The following RHOD variants were observed in gnomAD, a reference collection of about 807,000 sequenced individuals.
The protein encoded by RHOD is rho-related GTP-binding protein RhoD.
RHOD carries 11 observed loss-of-function variants against 16.7 expected under a neutral mutation model. That is an observed-to-expected ratio of 0.66 (90% CI 0.41 to 1.09). RHOD has a LOEUF of 1.09. Among genes scored for constraint, RHOD ranks in the 50% least tolerant of loss-of-function variants. The pLI is 0.00. For synonymous variants in RHOD, 124 were observed against 126.3 expected, an observed-to-expected ratio of 0.98 and a Z score of 0.12; for missense variants, 271 against 291.7, an observed-to-expected ratio of 0.93 and a Z score of 0.52.
chr11:67,058,600 C>G (rs959570506), intron 1 of RHOD, among the ~76,000 whole-genome samples: 1 of 152,276 alleles, frequency 6.6e-6, no homozygotes, highest in Admixed American at 6.5e-5. Flanking sequence ...CCTGAGCCAC[C>G]GCAACTGGCA....
intron 1 of RHOD, among the ~76,000 whole-genome samples, chr11:67,065,287 C>T (rs984835364): frequency 2.0e-5 from 3 of 152,088 alleles, no homozygotes; most frequent in African/African-American, 7.2e-5. Flanking sequence ...TGTTGGTCAG[C>T]CTGGTCTCAA....
chr11:67,061,329 T>C (rs1450887413), intron 1 of RHOD, among the ~76,000 whole-genome samples: 1 of 152,000 alleles, frequency 6.6e-6, no homozygotes, highest in Non-Finnish European at 1.5e-5. Context: ...AAACCCCATC[T>C]CTATTAAAAG....
At chr11:67,061,742 A>T (rs1274469830) in intron 1 of RHOD, among the ~76,000 whole-genome samples, 2 of 120,038 alleles carry the variant, frequency 1.7e-5, no homozygotes, top group African/African-American at 7.0e-5. Flanking sequence ...CCCTCTCTAA[A>T]AAAAAAAAAA....
At chr11:67,061,700 C>G in intron 1 of RHOD, among the ~76,000 whole-genome samples, 1 of 96,176 alleles carries the variant, frequency 1.0e-5, no homozygotes. Flanking sequence ...GGCCACTGCA[C>G]TCCAGCCTGT....
chr11:67,060,317 C>T (rs1590668283), intron 1 of RHOD, among the ~76,000 whole-genome samples: 1 of 152,222 alleles, frequency 6.6e-6, no homozygotes, highest in Admixed American at 6.5e-5. Context: ...GAGTCATCTC[C>T]GTCCTGGTCC....
intron 3 of RHOD, among the ~76,000 whole-genome samples, chr11:67,067,505 A>T (rs1590671996): frequency 1.3e-5 from 2 of 152,316 alleles, no homozygotes; most frequent in African/African-American, 4.8e-5. Flanking sequence ...GAGTATTATT[A>T]TTCCCGGATC....
chr11:67,064,936 G>A (rs899753763), intron 1 of RHOD, among the ~76,000 whole-genome samples: 1 of 152,062 alleles, frequency 6.6e-6, no homozygotes. Flanking sequence ...AGAAAAACGG[G>A]AGTCCCCTGC....
intron 1 of RHOD, among the ~76,000 whole-genome samples, chr11:67,064,660 G>T (rs1280598251): frequency 6.6e-6 from 1 of 152,150 alleles, no homozygotes; most frequent in African/African-American, 2.4e-5. Flanking sequence ...TAATGCTGCT[G>T]AATGAGTAGG....
chr11:67,068,556 T>C (rs1854987654), intron 3 of RHOD, among the ~76,000 whole-genome samples: 1 of 152,124 alleles, frequency 6.6e-6, no homozygotes, highest in African/African-American at 2.4e-5. Flanking sequence ...TCACGCCTTG[T>C]AATCCCAGCA....
chr11:67,064,757 C>T (rs1854937791), intron 1 of RHOD, among the ~76,000 whole-genome samples: 1 of 152,034 alleles, frequency 6.6e-6, no homozygotes, highest in Non-Finnish European at 1.5e-5. Context: ...AATGAAGGCT[C>T]AGAAATGGGA....
At chr11:67,064,977 A>C (rs919788365) in intron 1 of RHOD, among the ~76,000 whole-genome samples, 6 of 152,166 alleles carry the variant, frequency 3.9e-5, no homozygotes, top group Non-Finnish European at 7.4e-5. Flanking sequence ...TAAAAATAAC[A>C]GTAGCTGGCA....
intron 1 of RHOD, among the ~76,000 whole-genome samples, chr11:67,060,533 T>G (rs1854873197): frequency 6.6e-6 from 1 of 152,234 alleles, no homozygotes; most frequent in Admixed American, 6.5e-5. Flanking sequence ...AGCCCCTTTC[T>G]GTCTCCGGGA....
At chr11:67,067,622 G>A (rs1228359820) in intron 3 of RHOD, among the ~76,000 whole-genome samples, 2 of 152,188 alleles carry the variant, frequency 1.3e-5, no homozygotes, top group Admixed American at 6.5e-5. Flanking sequence ...GAGCACATTC[G>A]TTCTGGTGCT....
chr11:67,059,396 A>C (rs1045712244), intron 1 of RHOD, among the ~76,000 whole-genome samples: 2 of 151,958 alleles, frequency 1.3e-5, no homozygotes, highest in Admixed American at 6.6e-5. Flanking sequence ...AAAAAAAATT[A>C]CCCGGGCATA....
intron 1 of RHOD, among the ~76,000 whole-genome samples, chr11:67,063,079 C>T (rs972545506): frequency 5.1e-5 from 7 of 136,268 alleles, no homozygotes; most frequent in Non-Finnish European, 1.2e-4. Flanking sequence ...CCAGGCAGGA[C>T]AAAGAAGAAA....
chr11:67,063,568 C>T (rs1340344344), intron 1 of RHOD, among the ~76,000 whole-genome samples: 1 of 141,676 alleles, frequency 7.1e-6, no homozygotes, highest in African/African-American at 2.7e-5. Flanking sequence ...GAGGCCGAGG[C>T]AGGTGGATCA....
chr11:67,058,766 G>C (rs1010096846), intron 1 of RHOD, among the ~76,000 whole-genome samples: 1 of 152,160 alleles, frequency 6.6e-6, no homozygotes, highest in African/African-American at 2.4e-5. Context: ...CCCACCCTTG[G>C]CCCATGTGCT....
In RHOD at chr11:67,070,296, CT is replaced by C. The variant is rs761874712; in HGVS notation, c.331-128del. ...GGTTCTGGTACCAAATAGTTTCTCC[CT>C]AGGTGCTGGCTTTGCTGATTATCCA... On this transcript the variant is annotated intron_variant, in intron 3 of 4. Coordinates refer to ENST00000308831, the MANE Select transcript of RHOD (RefSeq NM_014578.4). The C allele has an allele frequency of 7.3e-6, 7 of 955,140 alleles. No individual in the cohort carries two copies. In the African/African-American group the frequency reaches 1.1e-4, roughly 15 times the overall value. The allele number at this position is 955,140 out of a possible 1,614,324, so 59.2% of individuals were successfully genotyped here.
Position 67,065,994 on chromosome 11 carries a change from A to C in RHOD, c.220+11A>C, listed in dbSNP as rs201041636. On this transcript the variant is annotated intron_variant, in intron 2 of 4. Transcript: ENST00000308831. ...TCTGGGACACAGCAGGTGGGTGTGC[A>C]GGGGTGGGGCAGGGTGGGAGGGGCT... 2 of 634,244 alleles carry C rather than the reference A, an allele frequency of 3.2e-6. No individual in the cohort carries two copies. Among genetic ancestry groups the C allele is most frequent in the East Asian group, 4.4e-5 (1 of 22,586 alleles). 39.3% of individuals were successfully genotyped at this position (634,244 alleles called of 1,614,324 possible). A position where few individuals can be genotyped will look rare whatever the true frequency, so the allele number is the denominator to read the frequency against.
Sources: allele counts gnomAD v4.1 joint callset (sites outside exome capture counted in the v4.1 genomes callset), GRCh38; gene constraint gnomAD v4.1.1; transcripts MANE v1.5; gene names NCBI Gene and HGNC (gene_info 2026-07-23, HGNC 2026-07-21).